The following ACOXL variants were observed in gnomAD, a reference collection of about 807,000 sequenced individuals.
ACOXL encodes acyl-coenzyme A oxidase-like protein.
A neutral mutation model predicts 71.9 loss-of-function variants in ACOXL; 70 were observed. The ratio of observed to expected loss-of-function variants is 0.97; its 90% CI spans 0.80 to 1.19. ACOXL has a LOEUF of 1.19. Ranked by LOEUF, ACOXL falls within the 50% of genes most tolerant of loss-of-function variation. The pLI, the probability that ACOXL is intolerant of heterozygous loss-of-function variation, is 0.00. For synonymous variants in ACOXL, 253 were observed against 281.6 expected (o/e 0.90, Z 1.02); for missense variants, 703 against 736.3 (o/e 0.95, Z 0.52).
At chr2:111,073,647 T>A (rs1304859827) in intron 16 of ACOXL, among the ~76,000 whole-genome samples, 1 of 152,230 alleles carries the variant, frequency 6.6e-6, no homozygotes, top group Admixed American at 6.5e-5. Context: ...AACCACACTA[T>A]CTTCATTAGT....
chr2:110,957,837 A>C (rs1337776566), intron 12 of ACOXL, among the ~76,000 whole-genome samples: 1 of 151,932 alleles, frequency 6.6e-6, no homozygotes, highest in Non-Finnish European at 1.5e-5. Context: ...CGGGCGGATC[A>C]CCTGAGGTGA....
At chr2:110,889,747 A>T (rs1053460404) in intron 10 of ACOXL, among the ~76,000 whole-genome samples, 3 of 152,148 alleles carry the variant, frequency 2.0e-5, no homozygotes, top group Non-Finnish European at 2.9e-5. Flanking sequence ...TCATCAACTG[A>T]TGGACATTGG....
At chr2:111,026,735 C>A (rs2065030599) in intron 14 of ACOXL, among the ~76,000 whole-genome samples, 1 of 152,028 alleles carries the variant, frequency 6.6e-6, no homozygotes, top group Admixed American at 6.6e-5. Flanking sequence ...ATTCAAATCC[C>A]AAGAGGGGGT....
At chr2:110,822,977 G>T (rs1297361962) in intron 9 of ACOXL, among the ~76,000 whole-genome samples, 1 of 152,150 alleles carries the variant, frequency 6.6e-6, no homozygotes, top group Non-Finnish European at 1.5e-5. Flanking sequence ...ACCTGGCTGG[G>T]TGCAGTGGCT....
At chr2:110,880,281 C>T (rs1573965721) in intron 10 of ACOXL, among the ~76,000 whole-genome samples, 2 of 152,152 alleles carry the variant, frequency 1.3e-5, no homozygotes, top group African/African-American at 4.8e-5. Context: ...TCCCCATTCA[C>T]CTTCCCAGCG....
intron 5 of ACOXL, chr2:110,795,985 G>T (rs921431885): frequency 1.3e-5 from 2 of 151,522 alleles, no homozygotes; most frequent in Non-Finnish European, 2.9e-5. Context: ...AATGACGAGG[G>T]GCCTCTGGTG....
At chr2:110,892,057 G>T (rs1411775325) in intron 10 of ACOXL, among the ~76,000 whole-genome samples, 1 of 152,112 alleles carries the variant, frequency 6.6e-6, no homozygotes, top group Non-Finnish European at 1.5e-5. Flanking sequence ...CTGCAAATCA[G>T]ATAAATTGCT....
chr2:110,980,668 C>G lies in ACOXL; in HGVS notation c.1060-6440C>G, dbSNP rs551817234. 1.7e-3 allele frequency among the ~76,000 whole-genome samples: 264 copies of G among 152,276 alleles called. 1 individual carries two copies. Among genetic ancestry groups the G allele is most frequent in the African/African-American group, 6.2e-3 (256 of 41,544 alleles). On this transcript the variant is annotated intron_variant, in intron 12 of 17. Coordinates refer to ENST00000439055, the MANE Select transcript of ACOXL (RefSeq NM_001142807.4). ...TGGGCTCCAGGTGCTGACACTGTCA[C>G]TCAGTTCCCCAAAGCGCCTGGATAA...
chr2:111,064,321 G>A (rs890532525), intron 16 of ACOXL, among the ~76,000 whole-genome samples: 11 of 151,786 alleles, frequency 7.2e-5, no homozygotes, highest in Middle Eastern at 6.8e-3. Flanking sequence ...CTGTAGTCCC[G>A]GCTACTCGGG....
At chr2:110,767,156 A>G (rs1398501732) in intron 1 of ACOXL, among the ~76,000 whole-genome samples, 3 of 152,156 alleles carry the variant, frequency 2.0e-5, no homozygotes, top group Non-Finnish European at 2.9e-5. Context: ...TGGCTCTGAA[A>G]TCTAACCTGA....
At chr2:110,869,351 G>C (rs917287262) in intron 10 of ACOXL, among the ~76,000 whole-genome samples, 15 of 152,208 alleles carry the variant, frequency 9.9e-5, no homozygotes, top group African/African-American at 3.6e-4. Flanking sequence ...CACACTTCCA[G>C]ACTGTGTGTC....
At chr2:111,108,407 T>C (rs2069705759) in intron 17 of ACOXL, among the ~76,000 whole-genome samples, 1 of 113,072 alleles carries the variant, frequency 8.8e-6, no homozygotes, top group Admixed American at 1.0e-4. Flanking sequence ...AGACAGAGTT[T>C]CACTCTTGCT....
At chr2:111,070,434 C>G (rs1406805098) in intron 16 of ACOXL, among the ~76,000 whole-genome samples, 1 of 152,132 alleles carries the variant, frequency 6.6e-6, no homozygotes, top group East Asian at 1.9e-4. Context: ...ACCACATGCT[C>G]TCACTTATAA....
chr2:110,822,133 G>A (rs2105525794), intron 9 of ACOXL, among the ~76,000 whole-genome samples: 1 of 152,220 alleles, frequency 6.6e-6, no homozygotes, highest in African/African-American at 2.4e-5. Context: ...AGGGTGCTAG[G>A]TGTTTCCTTC....
chr2:111,085,586 G>C (rs535803717), intron 16 of ACOXL, among the ~76,000 whole-genome samples: 1 of 152,230 alleles, frequency 6.6e-6, no homozygotes, highest in African/African-American at 2.4e-5. Context: ...GTAGTGTTAA[G>C]AGTGAAATTT....
chr2:110,936,605 A>G (rs1163658942), intron 12 of ACOXL, among the ~76,000 whole-genome samples: 1 of 152,148 alleles, frequency 6.6e-6, no homozygotes, highest in Non-Finnish European at 1.5e-5. Flanking sequence ...AGGAGTTCCC[A>G]TGACCCTCTC....
chr2:110,749,547 G>A (rs1484049966), intron 1 of ACOXL, among the ~76,000 whole-genome samples: 1 of 152,144 alleles, frequency 6.6e-6, no homozygotes, highest in Non-Finnish European at 1.5e-5. Context: ...CCAACATGGC[G>A]AAACCCTGTC....
chr2:110,798,956 G>A, intron 6 of ACOXL, 58 bp from the exon 7 acceptor site: 1 of 1,536,232 alleles, frequency 6.5e-7, no homozygotes, highest in Non-Finnish European at 9.0e-7. Flanking sequence ...TACTATTCCA[G>A]GACATGAGTA....
chr2:110,964,839 C>G (rs1352696004), intron 12 of ACOXL, among the ~76,000 whole-genome samples: 1 of 152,122 alleles, frequency 6.6e-6, no homozygotes, highest in African/African-American at 2.4e-5. Flanking sequence ...CAAGTCCTCT[C>G]TTTTGTGTAT....
Sources: allele counts gnomAD v4.1 joint callset (sites outside exome capture counted in the v4.1 genomes callset), GRCh38; gene constraint gnomAD v4.1.1; transcripts MANE v1.5; gene names NCBI Gene and HGNC (gene_info 2026-07-23, HGNC 2026-07-21).